Variants in TCTN2 observed in about 807,000 individuals in gnomAD.
TCTN2 encodes tectonic-2.
A neutral mutation model predicts 83.4 loss-of-function variants in TCTN2; 66 were observed. The observed-to-expected ratio is 0.79, with a 90% CI of 0.65 to 0.97. The LOEUF (loss-of-function observed/expected upper bound fraction) is 0.97. Among genes scored for constraint, TCTN2 ranks in the 50% least tolerant of loss-of-function variants. The pLI is 0.00. For missense variants in TCTN2, 794 were observed against 858.1 expected (o/e 0.93, Z 0.93); for synonymous variants, 301 against 326.7 (o/e 0.92, Z 0.85).
In TCTN2 at chr12:123,686,726, T is replaced by C. The variant is rs1026276453; in HGVS notation, c.565-110T>C. The C allele has an allele frequency of 9.6e-6, 10 of 1,045,620 alleles. No homozygotes were observed. In the East Asian group the frequency reaches 2.2e-4, roughly 23 times the overall value. The allele number at this position is 1,045,620 out of a possible 1,614,324, so 64.8% of individuals were successfully genotyped here. On this transcript the variant is annotated intron_variant, in intron 5 of 17. Transcript: ENST00000303372. ...GATGAGACACAGATTATAGGTTTTCTTGCTTACTTGGTAGTGTCCTGCTGG... is the reference window on the plus strand; with the variant it reads ...GATGAGACACAGATTATAGGTTTTCCTGCTTACTTGGTAGTGTCCTGCTGG...
chr12:123,696,323 T>C (rs1956107928), intron 11 of TCTN2, 92 bp from the exon 12 acceptor site: 1 of 1,101,384 alleles, frequency 9.1e-7, no homozygotes, highest in Admixed American at 1.7e-5. Flanking sequence ...ATGTGTTTTC[T>C]TTCCTTGTGC....
intron 4 of TCTN2, among the ~76,000 whole-genome samples, chr12:123,674,674 T>A (rs1030300140): frequency 1.3e-5 from 2 of 152,100 alleles, no homozygotes; most frequent in Admixed American, 1.3e-4. Context: ...CGGGGGAATT[T>A]CTTGAGCCCA....
chr12:123,674,368 T>C (rs1955794396), intron 4 of TCTN2, among the ~76,000 whole-genome samples: 1 of 152,158 alleles, frequency 6.6e-6, no homozygotes, highest in South Asian at 2.1e-4. Context: ...CTTCCTGGGC[T>C]TAAGCGATTC....
In TCTN2 at chr12:123,695,233, G is replaced by T. The variant is rs766355400; in HGVS notation, c.1248G>T (p.Gln416His). The T allele has an allele frequency of 6.4e-6, 10 of 1,573,320 alleles. No homozygotes were observed. The highest frequency in any genetic ancestry group is 7.9e-6 in the Non-Finnish European group (9 of 1,143,324). ...TTTTATTTCTAGGGATAATGACACA[G>T]AGATTTGTAGTAAAATTTTTAAGCT... ...INAHQKGIMT[Q>H]RFVVKFLSYN... The change falls in exon 11 of 18, where the codon CAG becomes CAT. Residue 416 changes from glutamine (Q) to histidine (H), a missense_variant. By Grantham distance (24) the Gln-to-His change is conservative. Transcript: ENST00000303372.
chr12:123,701,760 G>T (rs1461666648), intron 14 of TCTN2, among the ~76,000 whole-genome samples: 1 of 151,760 alleles, frequency 6.6e-6, no homozygotes, highest in South Asian at 2.1e-4. Flanking sequence ...AAAAAAAAGG[G>T]TGCAACAGAT....
At chr12:123,697,437 C>T (rs2135850066) in intron 13 of TCTN2, among the ~76,000 whole-genome samples, 1 of 152,234 alleles carries the variant, frequency 6.6e-6, no homozygotes, top group South Asian at 2.1e-4. Flanking sequence ...AAATTTCATC[C>T]ACATTTAAAC....
At chr12:123,700,573 C>T (rs926675207) in intron 14 of TCTN2, among the ~76,000 whole-genome samples, 1 of 152,174 alleles carries the variant, frequency 6.6e-6, no homozygotes, top group Non-Finnish European at 1.5e-5. Flanking sequence ...GCTGGGATTA[C>T]AGGCGCCCAC....
chr12:123,697,221 T>A, intron 13 of TCTN2, 23 bp downstream of exon 13: 1 of 1,504,738 alleles, frequency 6.6e-7, no homozygotes, highest in Non-Finnish European at 9.3e-7. Context: ...TTGATGAATA[T>A]ATCGGCAATG....
chr12:123,694,492 C>T lies in TCTN2; in HGVS notation c.1100-350C>T, dbSNP rs1180304926. Among the ~76,000 whole-genome samples the T allele has an allele frequency of 3.9e-5, 6 of 152,358 alleles. No homozygotes were observed. In the South Asian group the frequency reaches 6.2e-4, roughly 16 times the overall value. On this transcript the variant is annotated intron_variant, in intron 9 of 17. Coordinates refer to ENST00000303372, the MANE Select transcript of TCTN2 (RefSeq NM_024809.5). ...TACGCCGTAGTAGGGAACTAGATAGCGGGCCCCTGCCCTGGCGGAACTGAC... is the reference window on the plus strand; with the variant it reads ...TACGCCGTAGTAGGGAACTAGATAGTGGGCCCCTGCCCTGGCGGAACTGAC...
At chr12:123,672,985 G>A (rs868452225) in intron 3 of TCTN2, among the ~76,000 whole-genome samples, 5 of 152,198 alleles carry the variant, frequency 3.3e-5, no homozygotes, top group Admixed American at 1.3e-4. Flanking sequence ...GGGAGGCAGA[G>A]ATTGCAGTGA....
chr12:123,683,833 G>T (rs971257081), intron 5 of TCTN2, among the ~76,000 whole-genome samples: 1 of 152,134 alleles, frequency 6.6e-6, no homozygotes, highest in African/African-American at 2.4e-5. Context: ...TAGAGATGGG[G>T]TTTCACCGTA....
chr12:123,673,842 ATGT>A lies in TCTN2; in HGVS notation c.463+37_463+39del, dbSNP rs774609580. On this transcript the variant is annotated intron_variant, in intron 4 of 17. Transcript: ENST00000303372. ...GAAGTCTTTGACTGTCAAAACTTTC[ATGT>A]TGTTCCCAGCTACTTAGGAGGAAGA... is the stretch of plus-strand genomic sequence containing the variant. 5.6e-6 allele frequency: 9 copies of A among 1,604,320 alleles called. No homozygotes were observed. The African/African-American group carries it at 1.1e-4, about 19-fold the overall frequency.
intron 9 of TCTN2, among the ~76,000 whole-genome samples, chr12:123,693,053 T>C (rs2135843801): frequency 7.5e-6 from 1 of 134,138 alleles, no homozygotes; most frequent in East Asian, 2.2e-4. Flanking sequence ...TGAGGCGGAG[T>C]TTTGTTCTTG....
intron 1 of TCTN2, 48 bp downstream of exon 1, chr12:123,671,370 TG>T (rs1566241265): frequency 6.2e-7 from 1 of 1,606,428 alleles, no homozygotes; most frequent in Admixed American, 1.7e-5. Context: ...CTGAGGGGAC[TG>T]GGCGTTAAAA....
intron 9 of TCTN2, among the ~76,000 whole-genome samples, chr12:123,692,981 G>A (rs1267069196): frequency 1.4e-5 from 2 of 147,474 alleles, no homozygotes; most frequent in Admixed American, 6.8e-5. Flanking sequence ...TCCAGCTTCC[G>A]TGAACCTTTC....
At position 123,699,066 on chromosome 12, in the gene TCTN2, T is replaced by C. The variant is rs189803633; in HGVS notation, c.1506-638T>C. On this transcript the variant is annotated intron_variant, in intron 13 of 17. Transcript: ENST00000303372. ...ACTCTGGCCCACGAATGTATCCTGC[T>C]AACTTGATGTGTGCTCTAACTACCT... Among the ~76,000 whole-genome samples the C allele has an allele frequency of 8.5e-5, 13 of 152,298 alleles. 1 individual carries two copies. In the East Asian group the frequency reaches 2.1e-3, roughly 25 times the overall value.
Position 123,688,208 on chromosome 12 carries a change from G to T in TCTN2, c.891+31G>T, listed in dbSNP as rs745367159. On this transcript the variant is annotated intron_variant, in intron 7 of 17. Coordinates refer to ENST00000303372, the MANE Select transcript of TCTN2 (RefSeq NM_024809.5). ...CGTTGCAATATTAGTATGCTAGACC[G>T]TTCTCTTTTTTTTTTTTTTTTTTAT... 5.1e-6 allele frequency: 8 copies of T among 1,576,564 alleles called. No individual in the cohort carries two copies. The African/African-American group carries it at 6.9e-5, about 14-fold the overall frequency.
At chr12:123,699,674 T>C (rs748978097) in intron 13 of TCTN2, 30 bp from the exon 14 acceptor site, 105 of 1,555,156 alleles carry the variant, frequency 6.8e-5, no homozygotes, top group Non-Finnish European at 8.3e-5. Context: ...CTGCTGGCCA[T>C]GAGCTGAGAA....
Position 123,672,004 on chromosome 12 carries a change from C to A in TCTN2, c.191-52C>A, listed in dbSNP as rs1042757517. The A allele has an allele frequency of 1.5e-5, 23 of 1,487,958 alleles. No homozygotes were observed. In the African/African-American group the frequency reaches 2.8e-4, roughly 18 times the overall value. The allele number at this position is 1,487,958 out of a possible 1,614,324, so 92.2% of individuals were successfully genotyped here. A position where few individuals can be genotyped will look rare whatever the true frequency, so the allele number is the denominator to read the frequency against. Reference sequence around the variant, plus strand: ...TCCTAGGCAGTCTGACTCAATGCACCCCCTGAGCTGCTGGACCTTGCTGCC... The same window carrying A: ...TCCTAGGCAGTCTGACTCAATGCACACCCTGAGCTGCTGGACCTTGCTGCC... On this transcript the variant is annotated intron_variant, in intron 2 of 17. Transcript: ENST00000303372.
Sources: allele counts gnomAD v4.1 joint callset (sites outside exome capture counted in the v4.1 genomes callset), GRCh38; gene constraint gnomAD v4.1.1; transcripts MANE v1.5; gene names NCBI Gene and HGNC (gene_info 2026-07-23, HGNC 2026-07-21).